Variants in LMOD3 observed in about 807,000 individuals in gnomAD.
The protein encoded by LMOD3 is leiomodin-3.
LMOD3 carries 31 observed loss-of-function variants against 41.8 expected under a neutral mutation model. The observed-to-expected ratio is 0.74, with a 90% CI of 0.56 to 1.00. The LOEUF (loss-of-function observed/expected upper bound fraction) is 1.00. LMOD3 is among the 50% of genes least tolerant of loss of function. The pLI is 0.00. For synonymous variants in LMOD3, 292 were observed against 241.9 expected, an observed-to-expected ratio of 1.21 and a Z score of -1.92; for missense variants, 755 against 679.5, an observed-to-expected ratio of 1.11 and a Z score of -1.23.
intron 1 of LMOD3, 25 bp downstream of exon 1, chr3:69,122,068 C>T (rs532632713): frequency 1.9e-5 from 30 of 1,589,090 alleles, no homozygotes; most frequent in East Asian, 1.1e-4. Context: ...AGCCATTTCT[C>T]GGTTGTACAC....
Position 69,119,923 on chromosome 3 carries a change from A to T in LMOD3, c.432T>A (p.Asp144Glu). The T allele has an allele frequency of 6.4e-7, 1 of 1,554,474 alleles. No individual in the cohort carries two copies. Among genetic ancestry groups the T allele is most frequent in the Non-Finnish European group, 8.7e-7 (1 of 1,146,722 alleles). Residue 144 changes from aspartate (D) to glutamate (E), a missense_variant, in exon 2 of 3, where the codon GAT becomes GAA. By Grantham distance (45) the Asp-to-Glu change is conservative (BLOSUM62 2). Transcript: ENST00000420581. The part of the protein sequence containing the change: ...SKGSSNIQET[D>E]EEDEEEEDDD... ...CATCTTCTTCTTCTTCATCTTCTTC[A>T]TCTGTTTCTTGGATATTGCTGCTGC...
At chr3:69,120,147 T>C in intron 1 of LMOD3, 87 bp from the exon 2 acceptor site, 1 of 1,406,282 alleles carries the variant, frequency 7.1e-7, no homozygotes, top group Non-Finnish European at 9.3e-7. Context: ...ATAAAAATGC[T>C]TATTTAAAAG....
rs751666505 is a variant in LMOD3 at position 69,118,801 on chromosome 3, G to A, written c.1554C>T (p.Leu518=). 1 of 1,611,078 alleles carries A rather than the reference G, an allele frequency of 6.2e-7. No individual in the cohort carries two copies. The highest frequency in any genetic ancestry group is 8.5e-7 in the Non-Finnish European group (1 of 1,179,268). The change falls in exon 2 of 3, where the codon CTC becomes CTT. Residue 518 remains leucine, a synonymous_variant. Transcript: ENST00000420581. ...GTGGCCTGTTTCTCGGCACTGGCTT[G>A]AGCGTTTTGATGACATCTTTGAGGT... is the stretch of plus-strand genomic sequence containing the variant. ...KTNLKDVIKT[L]KPVPRNRPPP...
chr3:69,121,243 C>A (rs1051675260), intron 1 of LMOD3, among the ~76,000 whole-genome samples: 1 of 152,152 alleles, frequency 6.6e-6, no homozygotes, highest in African/African-American at 2.4e-5. Flanking sequence ...CTGATCAATC[C>A]AGCTGTTTCT....
Position 69,119,435 on chromosome 3 carries a change from C to G in LMOD3, c.920G>C (p.Arg307Pro). The stretch of plus-strand genomic sequence containing the variant: ...GAGAGTGGTGATGCTTCTATTTTCA[C>G]GCAACATGTTAGCCAAGGCAAATGC... ...NVAFALANML[R>P]ENRSITTLNI... The change falls in exon 2 of 3, where the codon CGT (arginine) becomes CCT (proline). Residue 307 changes from arginine (R) to proline (P), a missense_variant. Physicochemically the swap from Arg to Pro is moderately radical, Grantham distance 103. Transcript: ENST00000420581. The G allele has an allele frequency of 1.2e-6, 2 of 1,614,000 alleles. No homozygotes were observed. Among genetic ancestry groups the G allele is most frequent in the South Asian group, 2.2e-5 (2 of 91,080 alleles).
chr3:69,114,394 C>T (rs2107523138), intron 2 of LMOD3, among the ~76,000 whole-genome samples: 1 of 152,308 alleles, frequency 6.6e-6, no homozygotes, highest in South Asian at 2.1e-4. Flanking sequence ...TGGGTAATTT[C>T]TCAGAGGAGG....
rs72924866 is a variant in LMOD3, at chr3:69,109,147, G to C, written c.1657-26C>G. ...CTGCGATTTAAGCATTTGAGGAAAC[G>C]GGGGAAATTAATCCTGGAAATTTAA... is the stretch of plus-strand genomic sequence containing the variant. On this transcript the variant is annotated intron_variant, in intron 2 of 2. Coordinates refer to ENST00000420581, the MANE Select transcript of LMOD3 (RefSeq NM_198271.5). The C allele has an allele frequency of 7.5e-3, 12,030 of 1,593,666 alleles. 485 individuals are homozygous for C. In the African/African-American group the frequency reaches 0.097, roughly 13 times the overall value.
rs1203433417 is a variant in LMOD3 at position 69,107,369 on chromosome 3, A to G, written c.*1726T>C. ...TCCCCTAGCCTGTTTGGTTTGATAC[A>G]TGCCACTTATGATAACATAAAAGGA... On this transcript the variant is annotated 3_prime_UTR_variant, in exon 3 of 3. Transcript: ENST00000420581. 1 of 149,220 alleles carries G rather than the reference A, an allele frequency of 6.7e-6. No individual in the cohort carries two copies. Among genetic ancestry groups the G allele is most frequent in the Non-Finnish European group, 1.5e-5 (1 of 67,682 alleles). 9.2% of individuals were successfully genotyped at this position (149,220 alleles called of 1,614,324 possible). A position where few individuals can be genotyped will look rare whatever the true frequency, so the allele number is the denominator to read the frequency against.
intron 2 of LMOD3, among the ~76,000 whole-genome samples, chr3:69,114,030 T>TA (rs1419081046): frequency 2.0e-5 from 3 of 151,970 alleles, no homozygotes; most frequent in Admixed American, 6.6e-5. Flanking sequence ...AAGAGCATAA[T>TA]AAAAAAATTC....
chr3:69,107,494 T>TTTTTG lies in LMOD3; in HGVS notation c.*1600_*1601insCAAAA, dbSNP rs1252768762. ...TTTTTTTTTTTTTTTTTTTTTTTTT[T>TTTTTG]GAGATGGAGTATCACTCTGTCACCC... On this transcript the variant is annotated 3_prime_UTR_variant, in exon 3 of 3. Transcript: ENST00000420581. 3.2e-5 allele frequency: 4 copies of TTTTTG among 125,114 alleles called. No individual in the cohort carries two copies. The highest frequency in any genetic ancestry group is 6.4e-5 in the Non-Finnish European group (4 of 62,704). The allele number at this position is 125,114 out of a possible 1,614,324, so 7.8% of individuals were successfully genotyped here. A position where few individuals can be genotyped will look rare whatever the true frequency, so the allele number is the denominator to read the frequency against.
At chr3:69,113,186 G>A (rs535290839) in intron 2 of LMOD3, among the ~76,000 whole-genome samples, 12 of 152,140 alleles carry the variant, frequency 7.9e-5, no homozygotes, top group African/African-American at 2.7e-4. Flanking sequence ...ACCTGAATGC[G>A]TGACAGAATG....
In LMOD3 at chr3:69,119,251, G is replaced by A. The variant is rs762414062; in HGVS notation, c.1104C>T (p.Asn368=). 1.2e-6 allele frequency: 2 copies of A among 1,613,904 alleles called. No homozygotes were observed. The highest frequency in any genetic ancestry group is 1.7e-6 in the Non-Finnish European group (2 of 1,179,854). The change falls in exon 2 of 3, where the codon AAC becomes AAT. Residue 368 remains asparagine (N), a synonymous_variant. Transcript: ENST00000420581. ...AATGGTAGCCCATCTTCAGGAGAGT[G>A]TTGTTTGCCTTCAAAAGCCTGGCTA... ...MEIARLLKAN[N]TLLKMGYHFE... is the part of the protein sequence containing the mutation.
chr3:69,119,577 G>C lies in LMOD3; in HGVS notation c.778C>G (p.Leu260Val), dbSNP rs760458494. 2 of 1,613,618 alleles carry C rather than the reference G, an allele frequency of 1.2e-6. No homozygotes were observed. Among genetic ancestry groups the C allele is most frequent in the African/African-American group, 1.3e-5 (1 of 74,906 alleles). The change falls in exon 2 of 3, where the codon CTG (leucine) becomes GTG (valine). Residue 260 changes from leucine to valine, a missense_variant. Leu to Val is a conservative substitution (Grantham distance 32). Transcript: ENST00000420581. ...TTGGGGATGTTTTCAATGTTGTTCA[G>C]GTTGAGTTCCTTCATGTCAGGATCA... is the stretch of plus-strand genomic sequence containing the variant. ...KNDPDMKELN[L>V]NNIENIPKEM... is the part of the protein sequence containing the mutation.
At chr3:69,109,394 G>A (rs1338120262) in intron 2 of LMOD3, among the ~76,000 whole-genome samples, 1 of 152,078 alleles carries the variant, frequency 6.6e-6, no homozygotes, top group Non-Finnish European at 1.5e-5. Flanking sequence ...GTTGGCCTGG[G>A]TTCAAAGACT....
At chr3:69,120,852 T>C (rs935452423) in intron 1 of LMOD3, among the ~76,000 whole-genome samples, 2 of 152,158 alleles carry the variant, frequency 1.3e-5, no homozygotes, top group Non-Finnish European at 2.9e-5. Flanking sequence ...ATGGGCCTTT[T>C]ATCAATAATA....
chr3:69,108,459 C>T lies in LMOD3; in HGVS notation c.*636G>A, dbSNP rs939399745. The T allele has an allele frequency of 1.9e-4, 29 of 152,118 alleles. No homozygotes were observed. The highest frequency in any genetic ancestry group is 7.0e-4 in the African/African-American group (29 of 41,410). 9.4% of individuals were successfully genotyped at this position (152,118 alleles called of 1,614,324 possible). ...GTTCTGTGGCTTACGTGTTCTGCCC[C>T]TCACAGGTACCCCTATAGAAAGAAT... On this transcript the variant is annotated 3_prime_UTR_variant, in exon 3 of 3. Coordinates refer to ENST00000420581, the MANE Select transcript of LMOD3 (RefSeq NM_198271.5).
intron 2 of LMOD3, among the ~76,000 whole-genome samples, chr3:69,113,823 G>C (rs1431183764): frequency 2.0e-5 from 3 of 152,160 alleles, no homozygotes; most frequent in South Asian, 2.1e-4. Flanking sequence ...TGGTAGGAGT[G>C]AGCAGACCAC....
At chr3:69,116,578 T>C (rs1173503518) in intron 2 of LMOD3, among the ~76,000 whole-genome samples, 1 of 152,208 alleles carries the variant, frequency 6.6e-6, no homozygotes, top group African/African-American at 2.4e-5. Context: ...GTTTTATTCT[T>C]GCAATTATCA....
At chr3:69,121,724 C>T (rs149517308) in intron 1 of LMOD3, among the ~76,000 whole-genome samples, 65 of 152,262 alleles carry the variant, frequency 4.3e-4, no homozygotes, top group Non-Finnish European at 5.9e-4. Context: ...GGCTACAGAG[C>T]TGTCATTACT....
Sources: allele counts gnomAD v4.1 joint callset (sites outside exome capture counted in the v4.1 genomes callset), GRCh38; gene constraint gnomAD v4.1.1; transcripts MANE v1.5; gene names NCBI Gene and HGNC (gene_info 2026-07-23, HGNC 2026-07-21).